USP37: variants seen among roughly 807,000 people sequenced by gnomAD.
USP37 encodes the protein ubiquitin carboxyl-terminal hydrolase 37.
USP37 carries 27 observed loss-of-function variants against 124.0 expected under a neutral mutation model. That is an observed-to-expected ratio of 0.22 (90% confidence interval 0.16 to 0.30). The LOEUF is 0.30. Ranked by LOEUF, USP37 falls within the 10% of genes least tolerant of loss-of-function variation. The probability of loss-of-function intolerance (pLI) is 1.00; values close to 1 mark genes in which losing one functional copy is unlikely to be tolerated. For missense variants in USP37, 889 were observed against 1,140.4 expected (o/e 0.78, Z 3.17); for synonymous variants, 365 against 388.0 (o/e 0.94, Z 0.70).
chr2:218,488,687 G>A (rs1456083261), intron 14 of USP37, among the ~76,000 whole-genome samples: 1 of 152,120 alleles, frequency 6.6e-6, no homozygotes, highest in East Asian at 1.9e-4. Context: ...CCAGGCTGGA[G>A]TACAATGGTG....
At chr2:218,530,123 C>T in intron 9 of USP37, 83 bp from the exon 10 acceptor site, 1 of 979,448 alleles carries the variant, frequency 1.0e-6, no homozygotes, top group Non-Finnish European at 1.5e-6. Flanking sequence ...ATACATTAGT[C>T]CTGATTATAT....
chr2:218,532,746 C>G (rs935794650), intron 9 of USP37, among the ~76,000 whole-genome samples: 3 of 151,830 alleles, frequency 2.0e-5, no homozygotes, highest in Non-Finnish European at 2.9e-5. Flanking sequence ...CTGGGCCATA[C>G]GGCAAAACCA....
chr2:218,542,017 C>A (rs1478977655), intron 8 of USP37, among the ~76,000 whole-genome samples: 1 of 152,094 alleles, frequency 6.6e-6, no homozygotes, highest in Non-Finnish European at 1.5e-5. Context: ...AAAGATGGTC[C>A]AGTATGGAAA....
At chr2:218,561,043 G>A (rs531089429) in intron 2 of USP37, among the ~76,000 whole-genome samples, 160 bp from the exon 3 acceptor site, 58 of 152,248 alleles carry the variant, frequency 3.8e-4, no homozygotes, top group African/African-American at 1.2e-3. Flanking sequence ...ATATGAATTC[G>A]TCAAAGTAAT....
intron 10 of USP37, among the ~76,000 whole-genome samples, chr2:218,515,174 G>T (rs1291730975): frequency 1.3e-5 from 2 of 151,652 alleles, no homozygotes; most frequent in Non-Finnish European, 2.9e-5. Flanking sequence ...TTTCTTCACA[G>T]AATTAGAAAA....
At chr2:218,484,041 C>T (rs1165517272) in intron 16 of USP37, among the ~76,000 whole-genome samples, 1 of 152,162 alleles carries the variant, frequency 6.6e-6, no homozygotes, top group East Asian at 1.9e-4. Context: ...TTCCTGTAAT[C>T]CCAGCTACTC....
intron 14 of USP37, 55 bp from the exon 15 acceptor site, chr2:218,488,476 A>T: frequency 9.1e-7 from 1 of 1,101,684 alleles, no homozygotes; most frequent in South Asian, 1.5e-5. Flanking sequence ...AAGAAACACA[A>T]ATATACCTGA....
intron 17 of USP37, among the ~76,000 whole-genome samples, chr2:218,480,691 C>T (rs1691225698): frequency 6.6e-6 from 1 of 152,158 alleles, no homozygotes; most frequent in African/African-American, 2.4e-5. Context: ...TTCTTATAGA[C>T]AAGTCAAGGA....
At chr2:218,480,545 T>C (rs1372454877) in intron 17 of USP37, among the ~76,000 whole-genome samples, 2 of 152,080 alleles carry the variant, frequency 1.3e-5, no homozygotes, top group Non-Finnish European at 2.9e-5. Flanking sequence ...AAAAAATAAC[T>C]TGGAGAAAAT....
At chr2:218,485,781 C>A (rs1468063655) in intron 15 of USP37, 38 bp from the exon 16 acceptor site, 3 of 1,579,316 alleles carry the variant, frequency 1.9e-6, no homozygotes, top group South Asian at 1.2e-5. Flanking sequence ...GAAGGTGAAT[C>A]AGCATTAGTA....
intron 10 of USP37, among the ~76,000 whole-genome samples, chr2:218,516,167 C>A (rs1559200520): frequency 1.3e-5 from 2 of 152,126 alleles, no homozygotes; most frequent in Non-Finnish European, 2.9e-5. Context: ...TATCATTCGA[C>A]CCAGCAATCC....
chr2:218,554,472 T>G (rs538582073), intron 4 of USP37, among the ~76,000 whole-genome samples: 2 of 152,242 alleles, frequency 1.3e-5, no homozygotes, highest in East Asian at 3.9e-4. Context: ...GAAAGCCAGG[T>G]GCCATGGCTC....
At position 218,474,850 on chromosome 2, in the gene USP37, A is replaced by C. The variant is rs1690880550; in HGVS notation, c.2079T>G (p.Ser693=). 6.2e-7 allele frequency: 1 copy of C among 1,613,940 alleles called. No individual in the cohort carries two copies. The highest frequency in any genetic ancestry group is 1.3e-5 in the African/African-American group (1 of 74,934). Residue 693 remains serine (S), a synonymous_variant, in exon 20 of 26, where the codon TCT becomes TCG. Transcript: ENST00000258399. ...SKLCPIEPDK[S]ELENSGFDRM... Reference sequence around the variant, plus strand: ...TGTCAAATCCTGAGTTTTCCAATTCAGACTTGTCAGGCTCTATTGGGCATA... The same window carrying C: ...TGTCAAATCCTGAGTTTTCCAATTCCGACTTGTCAGGCTCTATTGGGCATA...
chr2:218,494,849 C>T (rs913103777), intron 14 of USP37, among the ~76,000 whole-genome samples: 3 of 152,030 alleles, frequency 2.0e-5, no homozygotes, highest in African/African-American at 4.8e-5. Context: ...ACTGTAAATA[C>T]GGTTGAAAAA....
In USP37 at chr2:218,476,998, A is replaced by G; in HGVS notation, c.1902-17T>C. On this transcript the variant is annotated splice_polypyrimidine_tract_variant and intron_variant, in intron 18 of 25. Transcript: ENST00000258399. Reference sequence around the variant, plus strand: ...GTGAATTTCCTGTAATTTAAGGAAAAAAAAAAAAGCCTGATAAACATTTGT... The same window carrying G: ...GTGAATTTCCTGTAATTTAAGGAAAGAAAAAAAAGCCTGATAAACATTTGT... 2 of 1,499,960 alleles carry G rather than the reference A, an allele frequency of 1.3e-6. No homozygotes were observed. The highest frequency in any genetic ancestry group is 1.8e-6 in the Non-Finnish European group (2 of 1,125,284). The allele number at this position is 1,499,960 out of a possible 1,614,324, so 92.9% of individuals were successfully genotyped here. A position where few individuals can be genotyped will look rare whatever the true frequency, so the allele number is the denominator to read the frequency against.
chr2:218,477,329 G>C (rs887304023), intron 18 of USP37, among the ~76,000 whole-genome samples: 1 of 152,190 alleles, frequency 6.6e-6, no homozygotes, highest in Admixed American at 6.5e-5. Flanking sequence ...ACAACAAAGT[G>C]CATGAAGACT....
At chr2:218,514,728 T>C (rs1274899867) in intron 10 of USP37, among the ~76,000 whole-genome samples, 1 of 152,218 alleles carries the variant, frequency 6.6e-6, no homozygotes, top group Non-Finnish European at 1.5e-5. Flanking sequence ...TAGCACCCAA[T>C]GATACATTTT....
chr2:218,504,514 C>T (rs1464295604), intron 11 of USP37, among the ~76,000 whole-genome samples: 1 of 152,192 alleles, frequency 6.6e-6, no homozygotes, highest in African/African-American at 2.4e-5. Context: ...AAACTTTAAA[C>T]TTCTGGGCTC....
intron 10 of USP37, among the ~76,000 whole-genome samples, chr2:218,526,763 G>A (rs369995769): frequency 7.6e-6 from 1 of 132,430 alleles, no homozygotes; most frequent in East Asian, 2.4e-4. Context: ...GAAGACCAAC[G>A]TAAGTTTCTT....
Sources: allele counts gnomAD v4.1 joint callset (sites outside exome capture counted in the v4.1 genomes callset), GRCh38; gene constraint gnomAD v4.1.1; transcripts MANE v1.5; gene names NCBI Gene and HGNC (gene_info 2026-07-23, HGNC 2026-07-21).